GPR179: variants seen among roughly 807,000 people sequenced by gnomAD.
The protein encoded by GPR179 is G protein-coupled receptor 179.
In GPR179, 52 loss-of-function variants were observed where a neutral mutation model predicts 70.8. The observed-to-expected ratio is 0.73, with a 90% confidence interval of 0.59 to 0.93. The LOEUF (loss-of-function observed/expected upper bound fraction) is 0.93. Ranked by LOEUF, GPR179 falls within the 40% of genes least tolerant of loss-of-function variation. The pLI is 0.00. For synonymous variants in GPR179, 1,123 were observed against 1,169.0 expected (o/e 0.96, Z 0.80); for missense variants, 2,734 against 2,966.8 (o/e 0.92, Z 1.82).
chr17:38,335,233 C>G lies in GPR179; in HGVS notation c.1445G>C (p.Ser482Thr). The G allele has an allele frequency of 6.4e-7, 1 of 1,552,450 alleles. No individual in the cohort carries two copies. The highest frequency in any genetic ancestry group is 1.4e-5 in the African/African-American group (1 of 73,326). The change falls in exon 7 of 11, where the codon AGT becomes ACT. Residue 482 changes from serine to threonine, a missense_variant. Ser to Thr is a moderately conservative substitution (Grantham distance 58). Transcript: ENST00000616987. ...CAGCCGCCCGCTGCTCAGAAGGGCA[C>G]TCCGCTGGGCCGTTCGAGACAGAAA... ...QLFLSRTAQR[S>T]ALLSSGRLLR...
intron 1 of GPR179, among the ~76,000 whole-genome samples, chr17:38,341,325 G>A (rs1052838129): frequency 2.0e-5 from 3 of 152,172 alleles, no homozygotes; most frequent in African/African-American, 7.2e-5. Flanking sequence ...GATCTCTGAA[G>A]AGGATTTTCA....
Position 38,334,031 on chromosome 17 carries a change from G to A in GPR179, c.1792C>T (p.Leu598=). 1.2e-6 allele frequency: 2 copies of A among 1,613,002 alleles called. No homozygotes were observed. Among genetic ancestry groups the A allele is most frequent in the Non-Finnish European group, 1.7e-6 (2 of 1,179,092 alleles). The change falls in exon 9 of 11, where the codon CTG becomes TTG. Residue 598 remains leucine, a synonymous_variant. Coordinates refer to ENST00000616987, the MANE Select transcript of GPR179 (RefSeq NM_001004334.4). This position sits in a 1 kb window ranked among gnomAD's most constrained non-coding sequence, Gnocchi z 4.7. ...CAGTCCGGGTGCAGAGAGGGAACCA[G>A]CACAAACCTGGGGCGGGATAGGGGC... The part of the protein sequence containing the change: ...SAAFHTARFV[L]VPSLHPDWTL...
Position 38,326,392 on chromosome 17 carries a change from G to A in GPR179, c.*73C>T. The A allele has an allele frequency of 8.4e-7, 1 of 1,185,046 alleles. No individual in the cohort carries two copies. Among genetic ancestry groups the A allele is most frequent in the Non-Finnish European group, 1.2e-6 (1 of 834,918 alleles). 73.4% of individuals were successfully genotyped at this position (1,185,046 alleles called of 1,614,324 possible). On this transcript the variant is annotated 3_prime_UTR_variant, in exon 11 of 11. Transcript: ENST00000616987. ...AAGCTGTCTTTGATTCAGCTCTTTG[G>A]GAACACCTGGACTTGGAAAGGGCCT...
chr17:38,329,949 G>C lies in GPR179; in HGVS notation c.3620C>G (p.Ser1207Cys), dbSNP rs368224565. Residue 1207 changes from serine to cysteine, a missense_variant, in exon 11 of 11, where the codon TCC becomes TGC. By Grantham distance (112) the Ser-to-Cys change is moderately radical. Transcript: ENST00000616987. Reference sequence around the variant, plus strand: ...TGATTGCTTGATGTTTTTGTCCCTGGAAACTTGCCTCAGCATGGCAAGCCC... The same window carrying C: ...TGATTGCTTGATGTTTTTGTCCCTGCAAACTTGCCTCAGCATGGCAAGCCC... ...KTGLAMLRQV[S>C]RDKNIKQSKE... The C allele has an allele frequency of 1.9e-6, 3 of 1,614,164 alleles. No homozygotes were observed. Among genetic ancestry groups the C allele is most frequent in the South Asian group, 2.2e-5 (2 of 91,076 alleles).
rs765280800 is a variant in GPR179, at chr17:38,329,171, C to T, written c.4398G>A (p.Glu1466=). ...TCTGGATAGCAGGAGCATCTCCTGC[C>T]TCCCACAGACACACTTCAGCAATGC... is the stretch of plus-strand genomic sequence containing the variant. ...GSGIAEVCLW[E]AGDAPAIQKA... The change falls in exon 11 of 11, where the codon GAG becomes GAA. Residue 1466 remains glutamate (E), a synonymous_variant. Coordinates refer to ENST00000616987, the MANE Select transcript of GPR179 (RefSeq NM_001004334.4). 24 of 1,613,870 alleles carry T rather than the reference C, an allele frequency of 1.5e-5. No individual in the cohort carries two copies. The highest frequency in any genetic ancestry group is 1.9e-5 in the Non-Finnish European group (23 of 1,180,016).
chr17:38,336,893 C>A, intron 4 of GPR179, 85 bp downstream of exon 4: 4 of 1,353,276 alleles, frequency 3.0e-6, no homozygotes, highest in South Asian at 2.8e-5. Context: ...GAACCAATTT[C>A]TCCTAAATTC....
chr17:38,333,788 A>AG (rs2037379512), intron 9 of GPR179, 145 bp downstream of exon 9: 1 of 625,392 alleles, frequency 1.6e-6, no homozygotes, highest in Non-Finnish European at 2.8e-6. Context: ...CTCCTAGCTT[A>AG]GGGCCCCTGG....
rs146044193 is a variant in GPR179, at chr17:38,335,150, C to T, written c.1528G>A (p.Val510Met). The T allele has an allele frequency of 2.3e-4, 359 of 1,589,906 alleles. 1 individual carries two copies. The highest frequency in any genetic ancestry group is 4.0e-4 in the South Asian group (35 of 88,196). ...PVLGFLAVWT[V>M]GALERGIQHA... ...TGGATGCCTCGCTCCAGGGCGCCCACGGTCCACACAGCCAGGAAGCCCAGC... is the reference window on the plus strand; with the variant it reads ...TGGATGCCTCGCTCCAGGGCGCCCATGGTCCACACAGCCAGGAAGCCCAGC... The change falls in exon 7 of 11, where the codon GTG (valine) becomes ATG (methionine). Residue 510 changes from valine to methionine, a missense_variant. By Grantham distance (21) the Val-to-Met change is conservative. Transcript: ENST00000616987.
In GPR179 at chr17:38,338,073, G is replaced by C. The variant is rs549936903; in HGVS notation, c.904-353C>G. On this transcript the variant is annotated intron_variant, in intron 2 of 10. Transcript: ENST00000616987. ...GAGATGGAAGTAGGGAAAGTTCTGAGCCCAGCCATACCTTGTGTGCCTACA... is the reference window on the plus strand; with the variant it reads ...GAGATGGAAGTAGGGAAAGTTCTGACCCCAGCCATACCTTGTGTGCCTACA... Among the ~76,000 whole-genome samples the C allele has an allele frequency of 2.3e-3, 357 of 152,302 alleles. 1 individual carries two copies. Among genetic ancestry groups the C allele is most frequent in the African/African-American group, 7.9e-3 (329 of 41,570 alleles).
At chr17:38,333,502 C>T (rs901637790) in intron 9 of GPR179, 105 bp from the exon 10 acceptor site, 52 of 1,165,994 alleles carry the variant, frequency 4.5e-5, no homozygotes, top group Non-Finnish European at 5.6e-5. Context: ...GACGCTTCAC[C>T]CCCTTCTCTG....
rs898923512 is a variant in GPR179, at chr17:38,337,122, C to T, written c.1083G>A (p.Glu361=). ...GRLLQCLPCP[E]GCTSCMDATP... ...TGGCATCCATGCAGCTGGTGCAGCC[C>T]TCAGGACATGGCAGACACTGCAGCA... Residue 361 remains glutamate, a synonymous_variant, in exon 4 of 11, where the codon GAG becomes GAA. Transcript: ENST00000616987. The T allele has an allele frequency of 3.7e-6, 6 of 1,612,478 alleles. No individual in the cohort carries two copies. The African/African-American group carries it at 8.0e-5, about 22-fold the overall frequency.
intron 5 of GPR179, among the ~76,000 whole-genome samples, 179 bp from the exon 6 acceptor site, chr17:38,335,879 C>A (rs1348737571): frequency 6.6e-6 from 1 of 152,216 alleles, no homozygotes; most frequent in Non-Finnish European, 1.5e-5. Context: ...AATCACACTG[C>A]AAGTCACAGA....
Position 38,335,578 on chromosome 17 carries a change from C to T in GPR179, c.1406+13G>A. On this transcript the variant is annotated intron_variant, in intron 6 of 10. Coordinates refer to ENST00000616987, the MANE Select transcript of GPR179 (RefSeq NM_001004334.4). ...ATGAGCAGCATGAGAGCAAAGTCTG[C>T]CCCAGGCCGTACCTGTAAAGCTTGA... 1 of 1,577,456 alleles carries T rather than the reference C, an allele frequency of 6.3e-7. No individual in the cohort carries two copies. Among genetic ancestry groups the T allele is most frequent in the Non-Finnish European group, 8.7e-7 (1 of 1,146,782 alleles).
In GPR179 at chr17:38,335,623, G is replaced by A. The variant is rs1252601592; in HGVS notation, c.1374C>T (p.Ile458=). The A allele has an allele frequency of 1.9e-6, 3 of 1,613,724 alleles. No homozygotes were observed. Among genetic ancestry groups the A allele is most frequent in the Admixed American group, 1.7e-5 (1 of 60,008 alleles). ...LRWVRLLGFA[I]VYGTIILKLY... ...GCTTGAGTATGATGGTGCCGTAGAC[G>A]ATGGCAAAACCCAGCAGCCGCACCC... Residue 458 remains isoleucine (I), a synonymous_variant, in exon 6 of 11, where the codon ATC becomes ATT. Coordinates refer to ENST00000616987, the MANE Select transcript of GPR179 (RefSeq NM_001004334.4).
chr17:38,341,423 T>C (rs1459667361), intron 1 of GPR179, among the ~76,000 whole-genome samples: 4 of 152,214 alleles, frequency 2.6e-5, no homozygotes, highest in East Asian at 1.9e-4. Flanking sequence ...CAGGTCTGAA[T>C]TGATCACAGC....
Position 38,335,247 on chromosome 17 carries a change from T to C in GPR179, c.1431A>G (p.Arg477=). Residue 477 remains arginine (R), a synonymous_variant, in exon 7 of 11, where the codon CGA becomes CGG. Transcript: ENST00000616987. ...TCAGAAGGGCACTCCGCTGGGCCGTTCGAGACAGAAACAGCTGCAGCACTC... is the reference window on the plus strand; with the variant it reads ...TCAGAAGGGCACTCCGCTGGGCCGTCCGAGACAGAAACAGCTGCAGCACTC... ...LYRVLQLFLS[R]TAQRSALLSS... is the part of the protein sequence containing the mutation. 6.4e-7 allele frequency: 1 copy of C among 1,551,278 alleles called. No individual in the cohort carries two copies.
Position 38,331,423 on chromosome 17 carries a change from C to T in GPR179, c.2146G>A (p.Gly716Ser). 1 of 1,614,170 alleles carries T rather than the reference C, an allele frequency of 6.2e-7. No homozygotes were observed. Among genetic ancestry groups the T allele is most frequent in the Non-Finnish European group, 8.5e-7 (1 of 1,180,016 alleles). ...KKRGSSCQGL[G>S]RSFMRYLAEF... ...GCCAGGTACCTCATGAAGGAGCGGC[C>T]CAGTCCCTGGCATGAGCTGCCTCGC... The change falls in exon 11 of 11, where the codon GGC (glycine) becomes AGC (serine). Residue 716 changes from glycine to serine, a missense_variant. Coordinates refer to ENST00000616987, the MANE Select transcript of GPR179 (RefSeq NM_001004334.4).
At position 38,337,093 on chromosome 17, in the gene GPR179, G is replaced by A. The variant is rs371812444; in HGVS notation, c.1112C>T (p.Pro371Leu). 67 of 1,610,608 alleles carry A rather than the reference G, an allele frequency of 4.2e-5. No homozygotes were observed. The highest frequency in any genetic ancestry group is 2.5e-4 in the East Asian group (11 of 44,830). Reference sequence around the variant, plus strand: ...CACCGCGGCCTCTTCCACCAGGCACGGTGTGGCATCCATGCAGCTGGTGCA... The same window carrying A: ...CACCGCGGCCTCTTCCACCAGGCACAGTGTGGCATCCATGCAGCTGGTGCA... ...EGCTSCMDAT[P>L]CLVEEAAVLR... Residue 371 changes from proline to leucine, a missense_variant, in exon 4 of 11, where the codon CCG becomes CTG. Transcript: ENST00000616987.
chr17:38,334,701 C>G lies in GPR179; in HGVS notation c.1784+3G>C. 1 of 1,613,652 alleles carries G rather than the reference C, an allele frequency of 6.2e-7. No homozygotes were observed. Among genetic ancestry groups the G allele is most frequent in the Non-Finnish European group, 8.5e-7 (1 of 1,179,898 alleles). ...GGGTGTGGGGAGGTGAGTCCGTCCTCACCTGGCTGTGTGGAAGGCAGCGGA... is the reference window on the plus strand; with the variant it reads ...GGGTGTGGGGAGGTGAGTCCGTCCTGACCTGGCTGTGTGGAAGGCAGCGGA... On this transcript the variant is annotated splice_donor_region_variant and intron_variant, in intron 8 of 10. Transcript: ENST00000616987. This position sits in a 1 kb window ranked among gnomAD's most constrained non-coding sequence, Gnocchi z 4.7.
Sources: allele counts gnomAD v4.1 joint callset (sites outside exome capture counted in the v4.1 genomes callset), GRCh38; gene constraint gnomAD v4.1.1; non-coding constraint Gnocchi (gnomAD v3.1); transcripts MANE v1.5; gene names NCBI Gene and HGNC (gene_info 2026-07-23, HGNC 2026-07-21).